UBE2N: variants seen among roughly 807,000 people sequenced by gnomAD.
UBE2N encodes ubiquitin conjugating enzyme E2 N.
For synonymous variants in UBE2N, 70 were observed against 69.2 expected (o/e 1.01, Z -0.06); for missense variants, 60 against 192.1 (o/e 0.31, Z 4.07).
At chr12:93,417,093 TAGAC>T (rs1362651494) in intron 1 of UBE2N, among the ~76,000 whole-genome samples, 1 of 152,198 alleles carries the variant, frequency 6.6e-6, no homozygotes, top group African/African-American at 2.4e-5. Context: ...GTTACTAAAA[TAGAC>T]AGGTAAGTTG....
At chr12:93,422,538 ATATAACT>A (rs1303875178) in intron 1 of UBE2N, among the ~76,000 whole-genome samples, 1 of 152,188 alleles carries the variant, frequency 6.6e-6, no homozygotes. Flanking sequence ...GGGAGTGGGT[ATATAACT>A]TAGTAGGTGA....
At chr12:93,439,595 T>A (rs985213615) in intron 1 of UBE2N, among the ~76,000 whole-genome samples, 2 of 152,148 alleles carry the variant, frequency 1.3e-5, no homozygotes, top group African/African-American at 4.8e-5. Context: ...GTTACCCCCA[T>A]CCACCACACA....
intron 1 of UBE2N, among the ~76,000 whole-genome samples, chr12:93,418,503 T>C (rs919863868): frequency 3.7e-5 from 5 of 136,622 alleles, no homozygotes; most frequent in Non-Finnish European, 5.9e-5. Flanking sequence ...TAGAAACATA[T>C]AATGTCTCAT....
intron 1 of UBE2N, among the ~76,000 whole-genome samples, chr12:93,436,527 C>T (rs1878938253): frequency 2.0e-5 from 3 of 152,176 alleles, no homozygotes; most frequent in African/African-American, 4.8e-5. Flanking sequence ...TATCGGTTCC[C>T]GAAAGTGATT....
chr12:93,410,333 A>C (rs1456021830), intron 3 of UBE2N: 3 of 498,530 alleles, frequency 6.0e-6, no homozygotes, highest in Non-Finnish European at 1.1e-5. Flanking sequence ...CTAGATACAC[A>C]ATTCTCCCCA....
chr12:93,422,603 T>A (rs1161142745), intron 1 of UBE2N, among the ~76,000 whole-genome samples: 1 of 152,174 alleles, frequency 6.6e-6, no homozygotes, highest in African/African-American at 2.4e-5. Flanking sequence ...ATTAGGGAAA[T>A]TTTTTAAAAG....
At position 93,437,178 on chromosome 12, in the gene UBE2N, G is replaced by GA. The variant is rs529180233; in HGVS notation, c.30+4676dup. On this transcript the variant is annotated intron_variant, in intron 1 of 3. Transcript: ENST00000318066. ...AAGGTTCCATTAAACAGCCCTTTGAGAAAAAAAAAAGAGCCAAAGCAGAAC... is the reference window on the plus strand; with the variant it reads ...AAGGTTCCATTAAACAGCCCTTTGAGAAAAAAAAAAAGAGCCAAAGCAGAAC... 9.6e-3 allele frequency among the ~76,000 whole-genome samples: 1,415 copies of GA among 146,772 alleles called. 12 individuals carry two copies. The highest frequency in any genetic ancestry group is 0.028 in the Middle Eastern group (8 of 284).
In UBE2N at chr12:93,425,898, C is replaced by T. The variant is rs2121081159; in HGVS notation, c.31-14599G>A. Among the ~76,000 whole-genome samples the T allele has an allele frequency of 2.6e-5, 4 of 152,298 alleles. 1 individual carries two copies. In the Middle Eastern group the frequency reaches 0.014, roughly 518 times the overall value. ...CTTCAACAATCTAATAAGCATTTTCCTCAATTTAAAAAAGTGATCATTGCC... is the reference window on the plus strand; with the variant it reads ...CTTCAACAATCTAATAAGCATTTTCTTCAATTTAAAAAAGTGATCATTGCC... On this transcript the variant is annotated intron_variant, in intron 1 of 3. Transcript: ENST00000318066.
chr12:93,435,321 A>G (rs1299449899), intron 1 of UBE2N, among the ~76,000 whole-genome samples: 3 of 152,140 alleles, frequency 2.0e-5, no homozygotes. Context: ...AAAAATACAA[A>G]AATCAGCTGG....
chr12:93,438,644 A>G (rs1879008190), intron 1 of UBE2N, among the ~76,000 whole-genome samples: 1 of 152,158 alleles, frequency 6.6e-6, no homozygotes, highest in African/African-American at 2.4e-5. Flanking sequence ...CAGGGGAGTA[A>G]CATGGTCTAT....
Position 93,410,892 on chromosome 12 carries a change from C to T in UBE2N, c.278-18G>A. The T allele has an allele frequency of 1.2e-6, 2 of 1,614,000 alleles. No individual in the cohort carries two copies. The highest frequency in any genetic ancestry group is 1.7e-6 in the Non-Finnish European group (2 of 1,180,004). ...CCACTTATCTATGAAGGCAACAGGC[C>T]CAGTATGATAAAGCATGAAAAAAAC... On this transcript the variant is annotated intron_variant, in intron 2 of 3. Coordinates refer to ENST00000318066, the MANE Select transcript of UBE2N (RefSeq NM_003348.4).
At chr12:93,427,296 T>TTAGAATCCCTGTTCTAAAG (rs1378217280) in intron 1 of UBE2N, among the ~76,000 whole-genome samples, 1 of 152,248 alleles carries the variant, frequency 6.6e-6, no homozygotes, top group African/African-American at 2.4e-5. Context: ...AATGCAGGCT[T>TTAGAATCCCTGTTCTAAAG]CACATGTGAC....
At chr12:93,433,573 C>T (rs1878832716) in intron 1 of UBE2N, among the ~76,000 whole-genome samples, 1 of 152,204 alleles carries the variant, frequency 6.6e-6, no homozygotes, top group African/African-American at 2.4e-5. Context: ...CGCATACACA[C>T]ATAAGAATTC....
intron 1 of UBE2N, among the ~76,000 whole-genome samples, chr12:93,416,478 C>T (rs1282772880): frequency 3.3e-5 from 5 of 149,308 alleles, no homozygotes; most frequent in East Asian, 3.9e-4. Flanking sequence ...AGACAAGTCT[C>T]GCTCTCTTGC....
intron 1 of UBE2N, among the ~76,000 whole-genome samples, chr12:93,434,460 A>C (rs963784490): frequency 4.6e-5 from 7 of 152,262 alleles, no homozygotes; most frequent in Admixed American, 3.3e-4. Flanking sequence ...GGAGTTGATC[A>C]ATCTGGACTA....
chr12:93,414,761 C>T (rs1476249115), intron 1 of UBE2N, among the ~76,000 whole-genome samples: 1 of 152,138 alleles, frequency 6.6e-6, no homozygotes, highest in Non-Finnish European at 1.5e-5. Context: ...CCCCATTCAA[C>T]CCTACCCTGC....
At chr12:93,420,199 G>C (rs1190148235) in intron 1 of UBE2N, among the ~76,000 whole-genome samples, 1 of 152,200 alleles carries the variant, frequency 6.6e-6, no homozygotes, top group East Asian at 1.9e-4. Flanking sequence ...TTTGGGAAAA[G>C]CTTTATTTAT....
intron 1 of UBE2N, among the ~76,000 whole-genome samples, chr12:93,413,632 T>C (rs1474969001): frequency 6.6e-6 from 1 of 152,182 alleles, no homozygotes; most frequent in Non-Finnish European, 1.5e-5. Context: ...TCTTTCCAAA[T>C]GATCCACCTT....
chr12:93,427,118 C>T (rs372105114), intron 1 of UBE2N, among the ~76,000 whole-genome samples: 5 of 152,024 alleles, frequency 3.3e-5, no homozygotes, highest in Admixed American at 1.3e-4. Flanking sequence ...CAGGGTTTCA[C>T]CATGTTGGCC....
Sources: gnomAD v4.1 joint callset for allele counts (sites outside exome capture counted in the v4.1 genomes callset) on GRCh38, gnomAD v4.1.1 for gene constraint, MANE v1.5 for transcripts, NCBI Gene and HGNC (gene_info 2026-07-23, HGNC 2026-07-21) for gene names.